EFR3A: variants seen among roughly 807,000 people sequenced by gnomAD.
EFR3A encodes protein EFR3 homolog A.
In EFR3A, 76 loss-of-function variants were observed where a neutral mutation model predicts 104.4. The ratio of observed to expected loss-of-function variants is 0.73; its 90% CI spans 0.60 to 0.88. The LOEUF is 0.88. Ranked by LOEUF, EFR3A falls within the 40% of genes least tolerant of loss-of-function variation. The probability of loss-of-function intolerance (pLI) is 0.00; values close to 1 mark genes in which losing one functional copy is unlikely to be tolerated. For missense variants in EFR3A, 985 were observed against 1,012.5 expected (o/e 0.97, Z 0.37); for synonymous variants, 330 against 330.0 (o/e 1.00, Z 0.00).
intron 19 of EFR3A, chr8:132,001,037 G>GTTC: frequency 6.6e-6 from 1 of 152,152 alleles, no homozygotes; most frequent in Non-Finnish European, 1.5e-5. Context: ...TTTATTCAGA[G>GTTC]ATACTATAGG....
At position 131,955,857 on chromosome 8, in the gene EFR3A, G is replaced by C. The variant is rs1818959817; in HGVS notation, c.728G>C (p.Gly243Ala). 3.7e-6 allele frequency: 6 copies of C among 1,613,492 alleles called. No individual in the cohort carries two copies. The highest frequency in any genetic ancestry group is 5.1e-6 in the Non-Finnish European group (6 of 1,179,578). The part of the protein sequence containing the change: ...LAENCFRELL[G>A]RATFGNMNNA... ...GAAAACTGTTTCAGAGAACTGCTGGGTCGAGCAACTTTTGGGAATATGAAT... is the reference window on the plus strand; with the variant it reads ...GAAAACTGTTTCAGAGAACTGCTGGCTCGAGCAACTTTTGGGAATATGAAT... The change falls in exon 7 of 23, where the codon GGT becomes GCT. Residue 243 changes from glycine to alanine, a missense_variant. Coordinates refer to ENST00000254624, the MANE Select transcript of EFR3A (RefSeq NM_015137.6).
chr8:131,966,277 A>C (rs1205792324), intron 8 of EFR3A, among the ~76,000 whole-genome samples: 4 of 152,140 alleles, frequency 2.6e-5, no homozygotes, highest in Non-Finnish European at 5.9e-5. Context: ...AAGTTACTAA[A>C]ACTTGCCTTA....
intron 1 of EFR3A, among the ~76,000 whole-genome samples, chr8:131,919,412 A>G (rs1816891345): frequency 6.6e-6 from 1 of 152,086 alleles, no homozygotes; most frequent in South Asian, 2.1e-4. Context: ...CCTGGCTAAC[A>G]CAGTGAAACC....
intron 12 of EFR3A, among the ~76,000 whole-genome samples, chr8:131,977,311 G>A (rs1820373897): frequency 6.6e-6 from 1 of 152,046 alleles, no homozygotes; most frequent in Non-Finnish European, 1.5e-5. Context: ...GAAACATACA[G>A]AGGGCAGAAA....
chr8:131,921,010 C>A (rs1816992627), intron 1 of EFR3A, among the ~76,000 whole-genome samples: 1 of 151,952 alleles, frequency 6.6e-6, no homozygotes, highest in South Asian at 2.1e-4. Flanking sequence ...GATCTTGTTG[C>A]CATTTGGTTA....
At chr8:131,964,014 T>C (rs1819552290) in intron 8 of EFR3A, among the ~76,000 whole-genome samples, 2 of 152,154 alleles carry the variant, frequency 1.3e-5, no homozygotes, top group Non-Finnish European at 2.9e-5. Context: ...TTTGACAAAA[T>C]TCAACAACGC....
intron 5 of EFR3A, among the ~76,000 whole-genome samples, chr8:131,952,849 C>T (rs907145885): frequency 2.6e-5 from 4 of 152,108 alleles, no homozygotes; most frequent in African/African-American, 9.7e-5. Flanking sequence ...AGCAATGTCA[C>T]CTCCCTCCCC....
chr8:131,935,770 G>A (rs1164791974), intron 1 of EFR3A, among the ~76,000 whole-genome samples: 2 of 151,992 alleles, frequency 1.3e-5, no homozygotes, highest in African/African-American at 2.4e-5. Context: ...CAGTGGCATG[G>A]TGGCAGTTAG....
chr8:131,968,156 T>C, intron 8 of EFR3A, 139 bp from the exon 9 acceptor site: 1 of 667,712 alleles, frequency 1.5e-6, no homozygotes, highest in East Asian at 2.8e-5. Context: ...GGCTTTGTAT[T>C]GTGGCTATTT....
Position 131,976,142 on chromosome 8 carries a change from G to A in EFR3A, c.1274+1G>A. 5.2e-6 allele frequency: 8 copies of A among 1,532,520 alleles called. No individual in the cohort carries two copies. Among genetic ancestry groups the A allele is most frequent in the South Asian group, 1.2e-5 (1 of 85,280 alleles). 94.9% of individuals were successfully genotyped at this position (1,532,520 alleles called of 1,614,324 possible). ...ATACTTTGGATATCAGTCAACTAGG[G>A]TATGTTCTCAGACTGTAAATTTGAA... On this transcript the variant is annotated splice_donor_variant, in intron 11 of 22. Coordinates refer to ENST00000254624, the MANE Select transcript of EFR3A (RefSeq NM_015137.6). LOFTEE classifies it high-confidence loss of function.
At chr8:131,924,041 C>A (rs1817181189) in intron 1 of EFR3A, 2 of 347,698 alleles carry the variant, frequency 5.8e-6, no homozygotes, top group African/African-American at 2.2e-5. Context: ...CTGATACTTA[C>A]TGTAATTGCT....
chr8:131,987,278 G>A (rs188794295), intron 17 of EFR3A, among the ~76,000 whole-genome samples: 102 of 152,050 alleles, frequency 6.7e-4, no homozygotes, highest in African/African-American at 2.3e-3. Flanking sequence ...GCTACATTTA[G>A]TGTTCTTTAT....
At chr8:131,978,399 A>G (rs1042455837) in intron 12 of EFR3A, among the ~76,000 whole-genome samples, 1 of 152,178 alleles carries the variant, frequency 6.6e-6, no homozygotes, top group African/African-American at 2.4e-5. Flanking sequence ...CTATTAACCA[A>G]CTGCCTAATT....
At chr8:132,004,142 C>T (rs936311358) in intron 22 of EFR3A, among the ~76,000 whole-genome samples, 1 of 152,176 alleles carries the variant, frequency 6.6e-6, no homozygotes, top group African/African-American at 2.4e-5. Flanking sequence ...TTACTCTAGA[C>T]ATTTCCCTCC....
chr8:131,962,394 G>T (rs910751843), intron 8 of EFR3A, among the ~76,000 whole-genome samples: 7 of 151,984 alleles, frequency 4.6e-5, no homozygotes, highest in African/African-American at 1.7e-4. Context: ...AACAAAAAAC[G>T]GCAGGTGTTG....
At chr8:131,960,299 A>G (rs1234778050) in intron 8 of EFR3A, among the ~76,000 whole-genome samples, 1 of 152,176 alleles carries the variant, frequency 6.6e-6, no homozygotes, top group East Asian at 1.9e-4. Context: ...AACAAAATGC[A>G]GATCCTAAAT....
chr8:131,976,927 C>CA, intron 11 of EFR3A, 114 bp from the exon 12 acceptor site: 1 of 699,248 alleles, frequency 1.4e-6, no homozygotes, highest in South Asian at 3.2e-5. Context: ...TAAACTGTTA[C>CA]AAAAATAAAA....
intron 10 of EFR3A, among the ~76,000 whole-genome samples, chr8:131,970,846 C>G (rs938078428): frequency 6.6e-6 from 1 of 152,134 alleles, no homozygotes; most frequent in Non-Finnish European, 1.5e-5. Flanking sequence ...GACACAAATT[C>G]ATCTATTGTT....
chr8:131,926,600 G>A (rs1442780654), intron 1 of EFR3A, among the ~76,000 whole-genome samples: 1 of 151,960 alleles, frequency 6.6e-6, no homozygotes, highest in African/African-American at 2.4e-5. Flanking sequence ...ACACCTGTAA[G>A]TTGTTTTTTT....
Sources: allele counts gnomAD v4.1 joint callset (sites outside exome capture counted in the v4.1 genomes callset), GRCh38; gene constraint gnomAD v4.1.1; transcripts MANE v1.5; gene names NCBI Gene and HGNC (gene_info 2026-07-23, HGNC 2026-07-21).